Variants in PCK2 observed in about 807,000 individuals in gnomAD.
The protein encoded by PCK2 is phosphoenolpyruvate carboxykinase 2, mitochondrial, also known as phosphoenolpyruvate carboxykinase [GTP], mitochondrial.
A neutral mutation model predicts 65.9 loss-of-function variants in PCK2; 56 were observed. That is an observed-to-expected ratio of 0.85 (90% CI 0.69 to 1.06). The LOEUF is 1.06. Ranked by LOEUF, PCK2 falls within the 50% of genes least tolerant of loss-of-function variation. The probability of loss-of-function intolerance (pLI) is 0.00; values close to 1 mark genes in which losing one functional copy is unlikely to be tolerated. For missense variants in PCK2, 843 were observed against 863.1 expected, an observed-to-expected ratio of 0.98 and a Z score of 0.29; for synonymous variants, 305 against 319.6, an observed-to-expected ratio of 0.95 and a Z score of 0.49.
At position 24,102,626 on chromosome 14, in the gene PCK2, A is replaced by G. The variant is rs2037205385; in HGVS notation, c.1235-127A>G. The G allele has an allele frequency of 4.0e-6, 3 of 751,270 alleles. No individual in the cohort carries two copies. In the Admixed American group the frequency reaches 7.1e-5, roughly 18 times the overall value. The allele number at this position is 751,270 out of a possible 1,614,324, so 46.5% of individuals were successfully genotyped here. ...CTCCCCTCTCTCTGCTCCTTATCAC[A>G]CAAGGTTCTAGGCAGCTGATGAGGC... On this transcript the variant is annotated intron_variant, in intron 7 of 9. Coordinates refer to ENST00000216780, the MANE Select transcript of PCK2 (RefSeq NM_004563.4).
Position 24,104,019 on chromosome 14 carries a change from G to A in PCK2, c.*55G>A. ...AGCACCCTCATCTGGGAATAGGGAAGGCACCTTGCAGAAAATATGAGCAAT... is the reference window on the plus strand; with the variant it reads ...AGCACCCTCATCTGGGAATAGGGAAAGCACCTTGCAGAAAATATGAGCAAT... On this transcript the variant is annotated 3_prime_UTR_variant, in exon 10 of 10. Coordinates refer to ENST00000216780, the MANE Select transcript of PCK2 (RefSeq NM_004563.4). 1 of 1,315,818 alleles carries A rather than the reference G, an allele frequency of 7.6e-7. No individual in the cohort carries two copies. Among genetic ancestry groups the A allele is most frequent in the Non-Finnish European group, 1.1e-6 (1 of 919,270 alleles). 81.5% of individuals were successfully genotyped at this position (1,315,818 alleles called of 1,614,324 possible). A position where few individuals can be genotyped will look rare whatever the true frequency, so the allele number is the denominator to read the frequency against.
intron 7 of PCK2, among the ~76,000 whole-genome samples, chr14:24,101,325 C>A (rs2037152334): frequency 6.6e-6 from 1 of 152,222 alleles, no homozygotes; most frequent in South Asian, 2.1e-4. Context: ...CAATGGCGGG[C>A]AGAAGCTGGC....
At chr14:24,099,537 C>A in intron 5 of PCK2, 21 bp from the exon 6 acceptor site, 1 of 1,554,868 alleles carries the variant, frequency 6.4e-7, no homozygotes, top group South Asian at 1.2e-5. Context: ...CTTTCTTATT[C>A]CCTCTCTCCC....
chr14:24,098,716 C>T, intron 4 of PCK2, 38 bp downstream of exon 4: 2 of 1,553,988 alleles, frequency 1.3e-6, no homozygotes, highest in Middle Eastern at 1.9e-4. Flanking sequence ...ACACAGAGGC[C>T]TTCTTGTACT....
chr14:24,099,361 A>G (rs2037056823), intron 5 of PCK2, 125 bp downstream of exon 5: 9 of 1,084,112 alleles, frequency 8.3e-6, no homozygotes, highest in Non-Finnish European at 9.1e-6. Flanking sequence ...CTCTACTTGA[A>G]GGCCCAAAGC....
intron 9 of PCK2, 56 bp from the exon 10 acceptor site, chr14:24,103,454 C>A: frequency 7.0e-7 from 1 of 1,421,598 alleles, no homozygotes; most frequent in Non-Finnish European, 9.6e-7. Context: ...ATGCAGGGTG[C>A]CCTTCCCTAC....
chr14:24,103,766 G>A lies in PCK2; in HGVS notation c.1725G>A (p.Leu575=). ...EDSARETPIG[L]VPKEGALDLS... The stretch of plus-strand genomic sequence containing the variant: ...GTGCCCGAGAGACACCCATTGGGCT[G>A]GTGCCAAAGGAAGGAGCCTTGGATC... The change falls in exon 10 of 10, where the codon CTG becomes CTA. Residue 575 remains leucine, a synonymous_variant. Transcript: ENST00000216780. 1 of 1,614,188 alleles carries A rather than the reference G, an allele frequency of 6.2e-7. No homozygotes were observed. The highest frequency in any genetic ancestry group is 8.5e-7 in the Non-Finnish European group (1 of 1,180,022).
chr14:24,098,782 G>A, intron 4 of PCK2, 104 bp downstream of exon 4: 1 of 980,664 alleles, frequency 1.0e-6, no homozygotes, highest in African/African-American at 1.6e-5. Flanking sequence ...GTCCTCTCTG[G>A]CAACCTAATT....
intron 1 of PCK2, chr14:24,095,270 A>C (rs900829302): frequency 4.6e-5 from 21 of 453,714 alleles, no homozygotes; most frequent in Non-Finnish European, 8.0e-5. Flanking sequence ...GGGGCTTCAC[A>C]AGAGATAACG....
intron 9 of PCK2, 113 bp downstream of exon 9, chr14:24,103,368 C>G: frequency 8.8e-7 from 1 of 1,136,408 alleles, no homozygotes; most frequent in Non-Finnish European, 1.3e-6. Context: ...ATGGCCCCAC[C>G]TCTTCCCACT....
At position 24,098,257 on chromosome 14, in the gene PCK2, G is replaced by A. The variant is rs2036985565; in HGVS notation, c.330G>A (p.Val110=). ...KDVARVESKT[V]IVTPSQRDTV... ...TGGCACGAGTAGAGAGCAAGACGGT[G>A]ATTGTAACTCCTTCTCAGCGGGACA... The change falls in exon 3 of 10, where the codon GTG becomes GTA. Residue 110 remains valine, a synonymous_variant. Coordinates refer to ENST00000216780, the MANE Select transcript of PCK2 (RefSeq NM_004563.4). The A allele has an allele frequency of 6.2e-7, 1 of 1,614,140 alleles. No homozygotes were observed. Among genetic ancestry groups the A allele is most frequent in the South Asian group, 1.1e-5 (1 of 91,078 alleles).
chr14:24,097,284 C>T, intron 2 of PCK2, 147 bp downstream of exon 2: 2 of 754,628 alleles, frequency 2.7e-6, no homozygotes, highest in Non-Finnish European at 4.3e-6. Context: ...CTGGGATTTG[C>T]TTACGCCTAT....
chr14:24,103,719 C>T lies in PCK2; in HGVS notation c.1678C>T (p.Arg560Trp), dbSNP rs763901019. The T allele has an allele frequency of 3.5e-5, 57 of 1,614,136 alleles. No homozygotes were observed. In the Middle Eastern group the frequency reaches 4.9e-4, roughly 14 times the overall value. Residue 560 changes from arginine (R) to tryptophan (W), a missense_variant, in exon 10 of 10, where the codon CGG (arginine) becomes TGG (tryptophan). Coordinates refer to ENST00000216780, the MANE Select transcript of PCK2 (RefSeq NM_004563.4). ...ENARVLDWIC[R>W]RLEGEDSARE... Reference sequence around the variant, plus strand: ...TGCTCGGGTGCTAGACTGGATCTGCCGGCGGTTAGAGGGGGAGGACAGTGC... The same window carrying T: ...TGCTCGGGTGCTAGACTGGATCTGCTGGCGGTTAGAGGGGGAGGACAGTGC...
rs1377251372 is a variant in PCK2 at position 24,096,918 on chromosome 14, T to G, written c.56T>G (p.Leu19Trp). 6.2e-7 allele frequency: 1 copy of G among 1,613,538 alleles called. No homozygotes were observed. The part of the protein sequence containing the change: ...LRLNWHGLSP[L>W]GWPSCRSIQT... ...CTTAACTGGCATGGGCTGAGCCCCT[T>G]GGGCTGGCCATCATGCCGTAGCATC... is the stretch of plus-strand genomic sequence containing the variant. The change falls in exon 2 of 10, where the codon TTG becomes TGG. Residue 19 changes from leucine (L) to tryptophan (W), a missense_variant. Transcript: ENST00000216780.
chr14:24,098,351 C>A lies in PCK2; in HGVS notation c.424C>A (p.Arg142=). 1.2e-6 allele frequency: 2 copies of A among 1,613,380 alleles called. No homozygotes were observed. Among genetic ancestry groups the A allele is most frequent in the Non-Finnish European group, 1.7e-6 (2 of 1,179,516 alleles). Residue 142 remains arginine, a synonymous_variant, in exon 3 of 10, where the codon CGA becomes AGA. Transcript: ENST00000216780. ...CTGGATGTCCCCAGCTGATTTCCAG[C>A]GAGCTGTGGATGAGAGGTTTCCAGG... ...GNWMSPADFQ[R]AVDERFPGCM... is the part of the protein sequence containing the mutation.
rs762596052 is a variant in PCK2, at chr14:24,103,840, A to G, written c.1799A>G (p.Lys600Arg). Reference protein sequence around the residue: ...IDTTQLFSLPKDFWEQEVRDI... With the variant: ...IDTTQLFSLPRDFWEQEVRDI... The stretch of plus-strand genomic sequence containing the variant: ...ACCACTCAGCTGTTCTCCCTCCCCA[A>G]GGACTTCTGGGAACAGGAGGTTCGT... Residue 600 changes from lysine to arginine, a missense_variant, in exon 10 of 10, where the codon AAG (lysine) becomes AGG (arginine). By Grantham distance (26) the Lys-to-Arg change is conservative. Transcript: ENST00000216780. 21 of 1,613,986 alleles carry G rather than the reference A, an allele frequency of 1.3e-5. No homozygotes were observed. The highest frequency in any genetic ancestry group is 8.0e-5 in the African/African-American group (6 of 74,888).
chr14:24,104,040 G>C lies in PCK2; in HGVS notation c.*76G>C. 2 of 997,980 alleles carry C rather than the reference G, an allele frequency of 2.0e-6. No homozygotes were observed. The highest frequency in any genetic ancestry group is 3.1e-6 in the Non-Finnish European group (2 of 642,910). The allele number at this position is 997,980 out of a possible 1,614,324, so 61.8% of individuals were successfully genotyped here. On this transcript the variant is annotated 3_prime_UTR_variant, in exon 10 of 10. Transcript: ENST00000216780. ...GGAAGGCACCTTGCAGAAAATATGA[G>C]CAATTTGATATTAACTAACATCTTC...
At position 24,098,990 on chromosome 14, in the gene PCK2, C is replaced by T. The variant is rs1249355688; in HGVS notation, c.665-59C>T. Reference sequence around the variant, plus strand: ...TCCTGCCAATCCCTGATCCCTCTGGCCCCGACACCCCAGTTCCTGATGCTG... The same window carrying T: ...TCCTGCCAATCCCTGATCCCTCTGGTCCCGACACCCCAGTTCCTGATGCTG... On this transcript the variant is annotated intron_variant, in intron 4 of 9. Coordinates refer to ENST00000216780, the MANE Select transcript of PCK2 (RefSeq NM_004563.4). 8 of 1,352,142 alleles carry T rather than the reference C, an allele frequency of 5.9e-6. No individual in the cohort carries two copies. The African/African-American group carries it at 1.1e-4, about 19-fold the overall frequency. The allele number at this position is 1,352,142 out of a possible 1,614,324, so 83.8% of individuals were successfully genotyped here. A position where few individuals can be genotyped will look rare whatever the true frequency, so the allele number is the denominator to read the frequency against.
At chr14:24,095,507 T>A in intron 1 of PCK2, 1 of 295,278 alleles carries the variant, frequency 3.4e-6, no homozygotes, top group African/African-American at 2.2e-5. Context: ...CTTTCTTCCT[T>A]CCCCAGGCTA....
Sources: gnomAD v4.1 joint callset for allele counts (sites outside exome capture counted in the v4.1 genomes callset) on GRCh38, gnomAD v4.1.1 for gene constraint, MANE v1.5 for transcripts, NCBI Gene and HGNC (gene_info 2026-07-23, HGNC 2026-07-21) for gene names.